CEACAM3: variants seen among roughly 807,000 people sequenced by gnomAD.
The protein encoded by CEACAM3 is CEA cell adhesion molecule 3, also known as cell adhesion molecule CEACAM3.
Under a neutral mutation model 30.1 loss-of-function variants are expected in CEACAM3, and 32 were observed. The ratio of observed to expected loss-of-function variants is 1.06; its 90% CI spans 0.80 to 1.43. The LOEUF is 1.43. Ranked by LOEUF, CEACAM3 falls within the 40% of genes most tolerant of loss-of-function variation. The probability of loss-of-function intolerance (pLI) is 0.00; values close to 1 mark genes in which losing one functional copy is unlikely to be tolerated. For missense variants in CEACAM3, 290 were observed against 316.3 expected, an observed-to-expected ratio of 0.92 and a Z score of 0.63; for synonymous variants, 134 against 127.2, an observed-to-expected ratio of 1.05 and a Z score of -0.36.
rs942215813 is a variant in CEACAM3 at position 41,796,591 on chromosome 19, G to C, written c.-87G>C. On this transcript the variant is annotated 5_prime_UTR_variant, in exon 1 of 7. Transcript: ENST00000357396. ...CAGCATGGAAAGAGGAAGGACAGCA[G>C]AGCCTAAGTCACAGTAGCCCTGACT... The C allele has an allele frequency of 2.0e-6, 3 of 1,496,582 alleles. No homozygotes were observed. Among genetic ancestry groups the C allele is most frequent in the Non-Finnish European group, 2.8e-6 (3 of 1,076,618 alleles). 92.7% of individuals were successfully genotyped at this position (1,496,582 alleles called of 1,614,324 possible).
rs782402500 is a variant in CEACAM3, at chr19:41,810,038, G to A, written c.595+21G>A. ...CCCTGGTGAGTGTCCTCTCAGCCCA[G>A]GTGTGGCTGGGAACCCCTAGGACAG... On this transcript the variant is annotated intron_variant, in intron 4 of 6. Transcript: ENST00000357396. The A allele has an allele frequency of 3.7e-5, 60 of 1,611,762 alleles. No individual in the cohort carries two copies. In the Admixed American group the frequency reaches 9.7e-4, roughly 26 times the overall value.
rs782289665 is a variant in CEACAM3, at chr19:41,810,034, C to T, written c.595+17C>T. 6.2e-7 allele frequency: 1 copy of T among 1,612,908 alleles called. No homozygotes were observed. Among genetic ancestry groups the T allele is most frequent in the East Asian group, 2.2e-5 (1 of 44,868 alleles). ...TTGCCCCTGGTGAGTGTCCTCTCAG[C>T]CCAGGTGTGGCTGGGAACCCCTAGG... On this transcript the variant is annotated intron_variant, in intron 4 of 6. Coordinates refer to ENST00000357396, the MANE Select transcript of CEACAM3 (RefSeq NM_001815.5).
chr19:41,810,839 C>T lies in CEACAM3; in HGVS notation c.635C>T (p.Pro212Leu), dbSNP rs782028690. Residue 212 changes from proline (P) to leucine (L), a missense_variant, in exon 6 of 7, where the codon CCT (proline) becomes CTT (leucine). Pro to Leu is a moderately conservative substitution (Grantham distance 98). Transcript: ENST00000357396. ...CTCCCTCCCTGTCCACAGATGTCCCCTCTCTCCACTGCCCAGGCCCCCCTA... is the reference window on the plus strand; with the variant it reads ...CTCCCTCCCTGTCCACAGATGTCCCTTCTCTCCACTGCCCAGGCCCCCCTA... ...PSHSSAFSMS[P>L]LSTAQAPLPN... The T allele has an allele frequency of 1.2e-6, 2 of 1,613,014 alleles. No homozygotes were observed. Among genetic ancestry groups the T allele is most frequent in the South Asian group, 1.1e-5 (1 of 91,052 alleles).
At chr19:41,807,800 C>T in intron 2 of CEACAM3, among the ~76,000 whole-genome samples, 1 of 152,174 alleles carries the variant, frequency 6.6e-6, no homozygotes, top group East Asian at 1.9e-4. Context: ...CCACCATTTC[C>T]CCCCCAGACT....
Position 41,797,386 on chromosome 19 carries a change from C to T in CEACAM3, c.65-203C>T. 4 of 642,714 alleles carry T rather than the reference C, an allele frequency of 6.2e-6. No homozygotes were observed. In the South Asian group the frequency reaches 8.3e-5, roughly 13 times the overall value. 39.8% of individuals were successfully genotyped at this position (642,714 alleles called of 1,614,324 possible). A position where few individuals can be genotyped will look rare whatever the true frequency, so the allele number is the denominator to read the frequency against. On this transcript the variant is annotated intron_variant, in intron 1 of 6. Transcript: ENST00000357396. ...CAGTGGGGAGGGAGCCATGCAGACC[C>T]CTGGGGAAGGGGATTCCACACAGGA...
intron 2 of CEACAM3, chr19:41,807,027 G>A (rs1414842755): frequency 2.5e-6 from 4 of 1,588,072 alleles, no homozygotes; most frequent in East Asian, 2.3e-5. Flanking sequence ...CCAAAGAATA[G>A]GAGATGTTGA....
chr19:41,797,461 T>C, intron 1 of CEACAM3, 128 bp from the exon 2 acceptor site: 1 of 1,276,366 alleles, frequency 7.8e-7, no homozygotes, highest in South Asian at 1.5e-5. Flanking sequence ...GTTACTGACC[T>C]TGACCAAGTG....
chr19:41,803,024 G>A (rs1187335079), intron 2 of CEACAM3, among the ~76,000 whole-genome samples: 1 of 151,950 alleles, frequency 6.6e-6, no homozygotes, highest in Non-Finnish European at 1.5e-5. Flanking sequence ...AGAATATCAT[G>A]TCTGGCTTTC....
intron 1 of CEACAM3, chr19:41,797,360 G>C (rs2073109925): frequency 1.8e-6 from 1 of 550,212 alleles, no homozygotes; most frequent in Non-Finnish European, 3.2e-6. Context: ...GGATCTGAGG[G>C]CAGTGGGGAG....
intron 1 of CEACAM3, chr19:41,797,315 G>T: frequency 2.2e-6 from 1 of 449,408 alleles, no homozygotes; most frequent in Admixed American, 3.9e-5. Flanking sequence ...GAGGTGTCAG[G>T]GGAGGGATCT....
intron 4 of CEACAM3, 73 bp from the exon 5 acceptor site, chr19:41,810,250 C>T: frequency 1.3e-6 from 2 of 1,535,412 alleles, no homozygotes; most frequent in Non-Finnish European, 1.8e-6. Context: ...GAGCTGAGGA[C>T]CCCCTACGCC....
intron 2 of CEACAM3, among the ~76,000 whole-genome samples, chr19:41,806,334 A>G (rs888562077): frequency 2.3e-4 from 35 of 151,574 alleles, no homozygotes; most frequent in African/African-American, 8.5e-4. Context: ...CCGGCCTTCT[A>G]CTATACCTTT....
intron 2 of CEACAM3, among the ~76,000 whole-genome samples, chr19:41,802,490 C>T (rs189719607): frequency 7.0e-4 from 106 of 152,314 alleles, no homozygotes; most frequent in Non-Finnish European, 1.3e-3. Flanking sequence ...CCCTGCAGAA[C>T]CAGCGCTGGG....
chr19:41,810,027 C>T lies in CEACAM3; in HGVS notation c.595+10C>T, dbSNP rs782442200. The stretch of plus-strand genomic sequence containing the variant: ...CAAGCCCTTGCCCCTGGTGAGTGTC[C>T]TCTCAGCCCAGGTGTGGCTGGGAAC... On this transcript the variant is annotated intron_variant, in intron 4 of 6. Coordinates refer to ENST00000357396, the MANE Select transcript of CEACAM3 (RefSeq NM_001815.5). 22 of 1,613,502 alleles carry T rather than the reference C, an allele frequency of 1.4e-5. 1 individual carries two copies. The South Asian group carries it at 1.5e-4, about 11-fold the overall frequency.
intron 2 of CEACAM3, chr19:41,807,207 C>A: frequency 6.2e-7 from 1 of 1,609,836 alleles, no homozygotes; most frequent in Non-Finnish European, 8.5e-7. Context: ...ATTCACAGCA[C>A]AACCTGCCTG....
chr19:41,810,200 C>G, intron 4 of CEACAM3, 123 bp from the exon 5 acceptor site: 1 of 1,370,672 alleles, frequency 7.3e-7, no homozygotes, highest in Non-Finnish European at 1.0e-6. Flanking sequence ...GGCTCTGGGT[C>G]ATGGGTCACC....
At chr19:41,810,105 C>A in intron 4 of CEACAM3, 88 bp downstream of exon 4, 1 of 1,415,924 alleles carries the variant, frequency 7.1e-7, no homozygotes, top group South Asian at 1.2e-5. Flanking sequence ...CAGGCAGACT[C>A]TGATCCTTTC....
chr19:41,806,689 T>A (rs2073202963), intron 2 of CEACAM3, among the ~76,000 whole-genome samples: 1 of 152,174 alleles, frequency 6.6e-6, no homozygotes, highest in Admixed American at 6.5e-5. Context: ...TTTGTTTGTT[T>A]GCTTGTTTGT....
At chr19:41,808,753 C>T (rs2073223661) in intron 2 of CEACAM3, 60 bp from the exon 3 acceptor site, 1 of 1,390,582 alleles carries the variant, frequency 7.2e-7, no homozygotes, top group African/African-American at 1.4e-5. Context: ...TGCAAGGCCC[C>T]TGTGGTTTCC....
Sources: allele counts gnomAD v4.1 joint callset (sites outside exome capture counted in the v4.1 genomes callset), GRCh38; gene constraint gnomAD v4.1.1; transcripts MANE v1.5; gene names NCBI Gene and HGNC (gene_info 2026-07-23, HGNC 2026-07-21).